FTO: variants seen among roughly 807,000 people sequenced by gnomAD.
FTO encodes the protein alpha-ketoglutarate-dependent dioxygenase FTO.
A neutral mutation model predicts 63.9 loss-of-function variants in FTO; 47 were observed. The observed-to-expected ratio is 0.74, with a 90% CI of 0.58 to 0.94. The LOEUF is 0.94. Ranked by LOEUF, FTO falls within the 40% of genes least tolerant of loss-of-function variation. The pLI, the probability that FTO is intolerant of heterozygous loss-of-function variation, is 0.00. For missense variants in FTO, 562 were observed against 618.1 expected, an observed-to-expected ratio of 0.91 and a Z score of 0.96; for synonymous variants, 207 against 224.4, an observed-to-expected ratio of 0.92 and a Z score of 0.69.
rs2086899400 is a variant in FTO at position 54,111,927 on chromosome 16, G to A, written c.*12G>A. 1 of 1,614,054 alleles carries A rather than the reference G, an allele frequency of 6.2e-7. No individual in the cohort carries two copies. Among genetic ancestry groups the A allele is most frequent in the Non-Finnish European group, 8.5e-7 (1 of 1,180,002 alleles). The stretch of plus-strand genomic sequence containing the variant: ...AAGCAAAACCCTAGAAGGAGCACAA[G>A]TCTCAGGCGGAGGAGAAAAAGAGAT... On this transcript the variant is annotated 3_prime_UTR_variant, in exon 9 of 9. Transcript: ENST00000471389.
chr16:53,948,402 T>G (rs1459759091), intron 8 of FTO, among the ~76,000 whole-genome samples: 30 of 152,220 alleles, frequency 2.0e-4, no homozygotes, highest in Admixed American at 2.0e-3. Context: ...TAATCATGTA[T>G]GTAGATAAAG....
rs895496061 is a variant in FTO, at chr16:54,121,470, G to T, written c.*9555G>T. The stretch of plus-strand genomic sequence containing the variant: ...GAACTAAAGAGGCCTGAATAAGGTA[G>T]TGAAAGGACCAGGGAAAGCCTTCCC... On this transcript the variant is annotated 3_prime_UTR_variant, in exon 9 of 9. Transcript: ENST00000471389. 2.6e-5 allele frequency: 4 copies of T among 152,226 alleles called. No individual in the cohort carries two copies. The highest frequency in any genetic ancestry group is 4.8e-5 in the African/African-American group (2 of 41,452). The allele number at this position is 152,226 out of a possible 1,614,324, so 9.4% of individuals were successfully genotyped here.
At chr16:53,734,410 T>G (rs576364240) in intron 1 of FTO, among the ~76,000 whole-genome samples, 7 of 152,212 alleles carry the variant, frequency 4.6e-5, no homozygotes, top group Non-Finnish European at 7.4e-5. Flanking sequence ...AATCTTAATG[T>G]TTCAAAAACG....
rs1039650184 is a variant in FTO at position 53,721,379 on chromosome 16, A to T, written c.45+17150A>T. ...AGATTGATAACAAATTATAAAATTG[A>T]TAAAAAATATTTTCTATTTTTATAC... On this transcript the variant is annotated intron_variant, in intron 1 of 8. Transcript: ENST00000471389. Among the ~76,000 whole-genome samples, 5 of 152,332 alleles carry T rather than the reference A, an allele frequency of 3.3e-5. No homozygotes were observed. In the South Asian group the frequency reaches 8.3e-4, roughly 25 times the overall value.
At chr16:54,049,812 G>A (rs367780487) in intron 8 of FTO, among the ~76,000 whole-genome samples, 1 of 152,190 alleles carries the variant, frequency 6.6e-6, no homozygotes, top group Non-Finnish European at 1.5e-5. Context: ...GGATTTGGCC[G>A]TGGATCCAAG....
At chr16:53,731,088 A>G (rs1448516634) in intron 1 of FTO, among the ~76,000 whole-genome samples, 1 of 152,220 alleles carries the variant, frequency 6.6e-6, no homozygotes, top group East Asian at 1.9e-4. Flanking sequence ...GATAGGTTGT[A>G]AAAAGGATCC....
At chr16:53,963,330 T>G (rs1405241181) in intron 8 of FTO, among the ~76,000 whole-genome samples, 1 of 152,276 alleles carries the variant, frequency 6.6e-6, no homozygotes, top group South Asian at 2.1e-4. Context: ...ATATTTGTGT[T>G]ATTGTTGGGG....
At chr16:53,744,988 T>C (rs1011276369) in intron 1 of FTO, among the ~76,000 whole-genome samples, 7 of 152,204 alleles carry the variant, frequency 4.6e-5, no homozygotes, top group African/African-American at 1.7e-4. Context: ...CCCTTTCTTA[T>C]TTGGCTTTCT....
intron 8 of FTO, among the ~76,000 whole-genome samples, chr16:53,949,421 A>G (rs2082720360): frequency 6.6e-6 from 1 of 152,264 alleles, no homozygotes; most frequent in African/African-American, 2.4e-5. Context: ...TAAGAAAGAT[A>G]AAAAGGTAAG....
intron 7 of FTO, 137 bp from the exon 8 acceptor site, chr16:53,933,848 T>C (rs2082331887): frequency 1.2e-6 from 1 of 831,270 alleles, no homozygotes; most frequent in Admixed American, 2.6e-5. Flanking sequence ...TTTTTGGCCA[T>C]CATTTACTGC....
intron 1 of FTO, among the ~76,000 whole-genome samples, chr16:53,797,087 A>T (rs191051213): frequency 2.8e-4 from 43 of 152,312 alleles, no homozygotes; most frequent in African/African-American, 9.1e-4. Flanking sequence ...CTTTTAAAAA[A>T]TAGATTCTGG....
rs2086994210 is a variant in FTO at position 54,119,922 on chromosome 16, G to A, written c.*8007G>A. The A allele has an allele frequency of 6.6e-6, 1 of 152,228 alleles. No individual in the cohort carries two copies. Among genetic ancestry groups the A allele is most frequent in the South Asian group, 2.1e-4 (1 of 4,824 alleles). The allele number at this position is 152,228 out of a possible 1,614,324, so 9.4% of individuals were successfully genotyped here. A position where few individuals can be genotyped will look rare whatever the true frequency, so the allele number is the denominator to read the frequency against. ...CTTCGACCAGAAATGTCTGTGTATA[G>A]TTTTCAAAGAGATGCAGACCCTGTT... On this transcript the variant is annotated 3_prime_UTR_variant, in exon 9 of 9. Transcript: ENST00000471389.
chr16:54,057,084 T>C (rs2085453508), intron 8 of FTO, among the ~76,000 whole-genome samples: 1 of 152,192 alleles, frequency 6.6e-6, no homozygotes, highest in Admixed American at 6.5e-5. Context: ...GGTTGGTTTA[T>C]GAGCAGCAGG....
chr16:53,984,849 C>A, intron 8 of FTO: 1 of 443,062 alleles, frequency 2.3e-6, no homozygotes. Flanking sequence ...CTTTTGGTGT[C>A]TTTTGGATTG....
At chr16:53,724,952 T>G (rs941707433) in intron 1 of FTO, among the ~76,000 whole-genome samples, 2 of 152,200 alleles carry the variant, frequency 1.3e-5, no homozygotes, top group African/African-American at 4.8e-5. Context: ...TTTCTTAGGA[T>G]CTGCTCAGGG....
intron 8 of FTO, among the ~76,000 whole-genome samples, chr16:53,951,631 G>A (rs2082803283): frequency 6.6e-6 from 1 of 152,042 alleles, no homozygotes; most frequent in African/African-American, 2.4e-5. Flanking sequence ...TTCACTCTCA[G>A]CAATTTTGAA....
chr16:53,799,716 T>A (rs2078169858), intron 1 of FTO, among the ~76,000 whole-genome samples: 1 of 152,210 alleles, frequency 6.6e-6, no homozygotes, highest in African/African-American at 2.4e-5. Context: ...GCAAGTCTCC[T>A]CACTTTGCTG....
chr16:54,085,198 T>A (rs1463405392), intron 8 of FTO, among the ~76,000 whole-genome samples: 1 of 152,214 alleles, frequency 6.6e-6, no homozygotes, highest in African/African-American at 2.4e-5. Context: ...AGGAAAGAAC[T>A]CTCAGTGGAC....
intron 2 of FTO, among the ~76,000 whole-genome samples, chr16:53,813,161 CA>C (rs1298408977): frequency 3.9e-5 from 6 of 152,114 alleles, no homozygotes; most frequent in African/African-American, 1.4e-4. Flanking sequence ...AGGCCCGCAA[CA>C]AACCCTGATA....
Sources: allele counts gnomAD v4.1 joint callset (sites outside exome capture counted in the v4.1 genomes callset), GRCh38; gene constraint gnomAD v4.1.1; transcripts MANE v1.5; gene names NCBI Gene and HGNC (gene_info 2026-07-23, HGNC 2026-07-21).